SLCO6A1: variants seen among roughly 807,000 people sequenced by gnomAD.
SLCO6A1 encodes solute carrier organic anion transporter family member 6A1.
A neutral mutation model predicts 72.7 loss-of-function variants in SLCO6A1; 65 were observed. The observed-to-expected ratio is 0.89, with a 90% CI of 0.73 to 1.10. SLCO6A1 has a LOEUF of 1.10. Among genes scored for constraint, SLCO6A1 ranks in the 50% least tolerant of loss-of-function variants. The probability of loss-of-function intolerance (pLI) is 0.00; values close to 1 mark genes in which losing one functional copy is unlikely to be tolerated. For synonymous variants in SLCO6A1, 314 were observed against 298.2 expected, an observed-to-expected ratio of 1.05 and a Z score of -0.55; for missense variants, 874 against 872.6, an observed-to-expected ratio of 1.00 and a Z score of -0.02.
At position 102,458,635 on chromosome 5, in the gene SLCO6A1, TAATTA is replaced by T. The variant is rs1459070704; in HGVS notation, c.1022-149_1022-145del. ...TTGAACAAGCTAAACTCAATCTCAT[TAATTA>T]AAAGACACAATCTTCTAAAACAGTG... On this transcript the variant is annotated intron_variant, in intron 5 of 13. Transcript: ENST00000506729. 5 of 592,512 alleles carry T rather than the reference TAATTA, an allele frequency of 8.4e-6. No homozygotes were observed. In the African/African-American group the frequency reaches 9.3e-5, roughly 11 times the overall value. 36.7% of individuals were successfully genotyped at this position (592,512 alleles called of 1,614,324 possible).
intron 9 of SLCO6A1, among the ~76,000 whole-genome samples, chr5:102,407,282 G>A (rs1747723980): frequency 6.6e-6 from 1 of 152,216 alleles, no homozygotes; most frequent in South Asian, 2.1e-4. Flanking sequence ...TGCATAATCT[G>A]TCCCTTAATT....
intron 9 of SLCO6A1, 100 bp from the exon 10 acceptor site, chr5:102,399,842 T>G: frequency 1.3e-6 from 1 of 757,070 alleles, no homozygotes; most frequent in South Asian, 3.3e-5. Context: ...GCAAGGAGAC[T>G]CATTAGTTTT....
At chr5:102,379,332 T>TTTA (rs1473075761) in intron 12 of SLCO6A1, among the ~76,000 whole-genome samples, 2 of 152,162 alleles carry the variant, frequency 1.3e-5, no homozygotes, top group Non-Finnish European at 2.9e-5. Flanking sequence ...ATGTGTCCTG[T>TTTA]TTATGTTCTT....
chr5:102,436,401 A>G (rs1206797580), intron 7 of SLCO6A1, among the ~76,000 whole-genome samples: 1 of 152,180 alleles, frequency 6.6e-6, no homozygotes, highest in Non-Finnish European at 1.5e-5. Context: ...GGACTATGCA[A>G]ATGGATTCAC....
intron 7 of SLCO6A1, among the ~76,000 whole-genome samples, chr5:102,431,113 T>C (rs956648736): frequency 1.3e-5 from 2 of 152,182 alleles, no homozygotes; most frequent in Non-Finnish European, 2.9e-5. Flanking sequence ...TGATTGTTAT[T>C]TGTGTTTCTG....
At chr5:102,446,271 T>G (rs1224449094) in intron 6 of SLCO6A1, among the ~76,000 whole-genome samples, 1 of 152,212 alleles carries the variant, frequency 6.6e-6, no homozygotes, top group Non-Finnish European at 1.5e-5. Flanking sequence ...TAGTTCTCCT[T>G]GTACGGATCT....
chr5:102,431,774 T>A (rs1749230446), intron 7 of SLCO6A1, among the ~76,000 whole-genome samples: 1 of 152,178 alleles, frequency 6.6e-6, no homozygotes, highest in South Asian at 2.1e-4. Context: ...TGAGTTCAGG[T>A]CCTGAACATC....
intron 11 of SLCO6A1, 106 bp from the exon 12 acceptor site, chr5:102,388,931 C>T: frequency 1.0e-6 from 1 of 956,750 alleles, no homozygotes; most frequent in Non-Finnish European, 1.5e-6. Context: ...TCATTCAAAA[C>T]ATATCACTTA....
intron 1 of SLCO6A1, among the ~76,000 whole-genome samples, chr5:102,497,182 T>C (rs6892195): frequency 0.023 from 3,453 of 152,254 alleles, 90 homozygotes; most frequent in African/African-American, 0.066. Flanking sequence ...TGTGGTCAAG[T>C]AGAGAGGCAT....
intron 1 of SLCO6A1, among the ~76,000 whole-genome samples, chr5:102,489,845 A>G (rs2112856978): frequency 6.6e-6 from 1 of 152,378 alleles, no homozygotes; most frequent in Non-Finnish European, 1.5e-5. Context: ...GACCAACCTA[A>G]GTGTCCATTG....
intron 6 of SLCO6A1, among the ~76,000 whole-genome samples, chr5:102,443,201 A>G (rs1484065579): frequency 6.6e-6 from 1 of 152,146 alleles, no homozygotes; most frequent in Non-Finnish European, 1.5e-5. Flanking sequence ...CATCTCAAAA[A>G]AAGACGGAAA....
rs775981863 is a variant in SLCO6A1, at chr5:102,480,434, C to T, written c.359G>A (p.Gly120Asp). 1.3e-6 allele frequency: 2 copies of T among 1,595,712 alleles called. No homozygotes were observed. Among genetic ancestry groups the T allele is most frequent in the East Asian group, 2.2e-5 (1 of 44,612 alleles). The change falls in exon 2 of 14, where the codon GGT (glycine) becomes GAT (aspartate). Residue 120 changes from glycine (G) to aspartate (D), a missense_variant and splice_region_variant. Gly to Asp is a moderately conservative substitution (Grantham distance 94). Coordinates refer to ENST00000506729, the MANE Select transcript of SLCO6A1 (RefSeq NM_173488.5). ...GACATCTATAAGACCAAACACCACA[C>T]CTAAAATGTAAAAAGAAAAAGAGAA... ...IFYCILLICQ[G>D]VVFGLIDVSI...
chr5:102,466,741 G>A (rs1282921481), intron 4 of SLCO6A1, among the ~76,000 whole-genome samples: 1 of 151,874 alleles, frequency 6.6e-6, no homozygotes, highest in Non-Finnish European at 1.5e-5. Context: ...ACCTCATTGC[G>A]GTTTTGATTT....
intron 12 of SLCO6A1, among the ~76,000 whole-genome samples, chr5:102,379,840 A>G (rs2112481021): frequency 6.6e-6 from 1 of 150,680 alleles, no homozygotes; most frequent in African/African-American, 2.4e-5. Flanking sequence ...AATTTAGGAT[A>G]AATGGCATTT....
intron 7 of SLCO6A1, among the ~76,000 whole-genome samples, chr5:102,427,115 G>C (rs897967399): frequency 3.3e-5 from 5 of 151,848 alleles, no homozygotes; most frequent in African/African-American, 1.2e-4. Flanking sequence ...AAAATAAAAA[G>C]AGATGATAAA....
chr5:102,491,629 G>A (rs559080833), intron 1 of SLCO6A1, among the ~76,000 whole-genome samples: 28 of 152,362 alleles, frequency 1.8e-4, no homozygotes, highest in African/African-American at 4.8e-4. Flanking sequence ...CGGGTGGCCC[G>A]GTGGCTCCGA....
chr5:102,414,925 A>AATT (rs1748195079), intron 8 of SLCO6A1, among the ~76,000 whole-genome samples: 1 of 113,788 alleles, frequency 8.8e-6, no homozygotes, highest in African/African-American at 2.9e-5. Context: ...ATAAATAAAT[A>AATT]AATAAATAAA....
intron 1 of SLCO6A1, among the ~76,000 whole-genome samples, chr5:102,480,969 T>C (rs1752165861): frequency 6.6e-6 from 1 of 152,228 alleles, no homozygotes; most frequent in Non-Finnish European, 1.5e-5. Flanking sequence ...TTGTTTTTCA[T>C]GTTCCTGAAT....
chr5:102,476,136 A>G (rs1174707447), intron 3 of SLCO6A1, among the ~76,000 whole-genome samples: 4 of 152,190 alleles, frequency 2.6e-5, no homozygotes, highest in African/African-American at 9.6e-5. Context: ...GTGCACCAAA[A>G]TCTCATAAAT....
Sources: allele counts gnomAD v4.1 joint callset (sites outside exome capture counted in the v4.1 genomes callset), GRCh38; gene constraint gnomAD v4.1.1; transcripts MANE v1.5; gene names NCBI Gene and HGNC (gene_info 2026-07-23, HGNC 2026-07-21).